Variants in EFCAB6 observed in about 807,000 individuals in gnomAD.
EFCAB6 encodes the protein EF-hand calcium binding domain 6.
In EFCAB6, 156 loss-of-function variants were observed where a neutral mutation model predicts 169.8. The observed-to-expected ratio is 0.92, with a 90% CI of 0.81 to 1.05. The LOEUF (loss-of-function observed/expected upper bound fraction) is 1.05. EFCAB6 is among the 50% of genes least tolerant of loss of function. The pLI is 0.00. For synonymous variants in EFCAB6, 698 were observed against 676.4 expected (o/e 1.03, Z -0.50); for missense variants, 1,800 against 1,829.1 (o/e 0.98, Z 0.29).
In EFCAB6 at chr22:43,735,932, C is replaced by A; in HGVS notation, c.569G>T (p.Gly190Val). The A allele has an allele frequency of 6.2e-7, 1 of 1,614,134 alleles. No individual in the cohort carries two copies. Among genetic ancestry groups the A allele is most frequent in the Non-Finnish European group, 8.5e-7 (1 of 1,180,026 alleles). ...TCTTAGCTCCTGCGGTCGAACCAGTCCAGTCTTGTTAACATCAATGAGCTC... is the reference window on the plus strand; with the variant it reads ...TCTTAGCTCCTGCGGTCGAACCAGTACAGTCTTGTTAACATCAATGAGCTC... ...AFELIDVNKT[G>V]LVRPQELRRV... Residue 190 changes from glycine to valine, a missense_variant, in exon 7 of 32, where the codon GGA (glycine) becomes GTA (valine). By Grantham distance (109) the Gly-to-Val change is moderately radical. Transcript: ENST00000262726.
intron 13 of EFCAB6, 102 bp downstream of exon 13, chr22:43,677,894 G>A (rs929094672): frequency 1.6e-5 from 19 of 1,214,156 alleles, no homozygotes; most frequent in South Asian, 1.5e-4. Flanking sequence ...CTGTAAAGTC[G>A]TTAATTTATT....
At chr22:43,601,895 C>A (rs145471283) in intron 22 of EFCAB6, among the ~76,000 whole-genome samples, 126 of 152,324 alleles carry the variant, frequency 8.3e-4, no homozygotes, top group Middle Eastern at 3.4e-3. Flanking sequence ...CCCTGCAGGT[C>A]CCCACTCCTC....
chr22:43,669,035 T>C lies in EFCAB6; in HGVS notation c.1651A>G (p.Lys551Glu), dbSNP rs764495771. The change falls in exon 16 of 32, where the codon AAG (lysine) becomes GAG (glutamate). Residue 551 changes from lysine to glutamate, a missense_variant. Lys to Glu is a moderately conservative substitution (Grantham distance 56, BLOSUM62 1). Transcript: ENST00000262726. ...CTTCCTGAACCAATGTCCTGAATCTTACTGCAGAGTCTGAATTTTAAAAAA... is the reference window on the plus strand; with the variant it reads ...CTTCCTGAACCAATGTCCTGAATCTCACTGCAGAGTCTGAATTTTAAAAAA... The part of the protein sequence containing the change: ...TNAHFIKLCS[K>E]IQDIGSGRIL... 1.2e-6 allele frequency: 2 copies of C among 1,601,678 alleles called. No homozygotes were observed. The highest frequency in any genetic ancestry group is 1.7e-6 in the Non-Finnish European group (2 of 1,174,788).
At chr22:43,662,001 C>T (rs1181941268) in intron 17 of EFCAB6, among the ~76,000 whole-genome samples, 1 of 151,786 alleles carries the variant, frequency 6.6e-6, no homozygotes, top group African/African-American at 2.4e-5. Flanking sequence ...ATGGTGAAAA[C>T]TTGTCTACTG....
At chr22:43,621,460 C>T (rs1056827842) in intron 20 of EFCAB6, among the ~76,000 whole-genome samples, 28 of 151,874 alleles carry the variant, frequency 1.8e-4, no homozygotes, top group African/African-American at 6.5e-4. Flanking sequence ...TCCATGGATC[C>T]AAGAGGAAGT....
intron 26 of EFCAB6, among the ~76,000 whole-genome samples, chr22:43,565,941 C>G (rs975757474): frequency 6.6e-6 from 1 of 151,162 alleles, no homozygotes; most frequent in African/African-American, 2.4e-5. Flanking sequence ...ATTAATTGTA[C>G]TGTATCTTCA....
intron 6 of EFCAB6, among the ~76,000 whole-genome samples, chr22:43,753,258 A>T (rs551674660): frequency 7.5e-4 from 114 of 152,336 alleles, no homozygotes; most frequent in Non-Finnish European, 1.3e-3. Context: ...GCTCAGGCAA[A>T]GGCACAGAGG....
At chr22:43,573,842 C>T (rs901148637) in intron 26 of EFCAB6, among the ~76,000 whole-genome samples, 14 of 151,702 alleles carry the variant, frequency 9.2e-5, no homozygotes, top group African/African-American at 3.1e-4. Flanking sequence ...CAGCATATTC[C>T]AAACAGTATA....
chr22:43,811,291 C>G (rs1168998644), intron 1 of EFCAB6, among the ~76,000 whole-genome samples: 1 of 100,292 alleles, frequency 1.0e-5, no homozygotes, highest in African/African-American at 3.8e-5. Context: ...AAAGGAGAGG[C>G]GAGGGGAGGG....
chr22:43,757,524 A>G (rs1327202879), intron 5 of EFCAB6, among the ~76,000 whole-genome samples: 1 of 152,214 alleles, frequency 6.6e-6, no homozygotes, highest in African/African-American at 2.4e-5. Context: ...TCCAACCCGG[A>G]CAACAACAGC....
rs567856281 is a variant in EFCAB6 at position 43,732,366 on chromosome 22, G to A, written c.645-555C>T. The stretch of plus-strand genomic sequence containing the variant: ...TTCAAAACAGGGGATGGGTGGAGGA[G>A]GCAAAGTTTCTCTTGAAGCATTTCG... On this transcript the variant is annotated intron_variant, in intron 7 of 31. Transcript: ENST00000262726. Among the ~76,000 whole-genome samples, 100 of 151,996 alleles carry A rather than the reference G, an allele frequency of 6.6e-4. 1 individual carries two copies. The highest frequency in any genetic ancestry group is 9.9e-4 in the Non-Finnish European group (67 of 68,004).
intron 26 of EFCAB6, among the ~76,000 whole-genome samples, chr22:43,565,515 T>A (rs1288204003): frequency 1.3e-5 from 2 of 152,178 alleles, no homozygotes; most frequent in East Asian, 1.9e-4. Context: ...ATGGACATAT[T>A]GCAAAGGGGC....
chr22:43,635,036 G>T, intron 18 of EFCAB6, 66 bp downstream of exon 18: 1 of 1,363,272 alleles, frequency 7.3e-7, no homozygotes, highest in Non-Finnish European at 1.0e-6. Context: ...TGGTGGCACT[G>T]CTAGCAAAGA....
In EFCAB6 at chr22:43,556,333, G is replaced by A. The variant is rs138350841; in HGVS notation, c.3421-1237C>T. On this transcript the variant is annotated intron_variant, in intron 26 of 31. Coordinates refer to ENST00000262726, the MANE Select transcript of EFCAB6 (RefSeq NM_022785.4). ...GGCTGCTGCATCAACAGGGCAGCCCGTGGAGTATGCTGACCTGGAAGGGGT... is the reference window on the plus strand; with the variant it reads ...GGCTGCTGCATCAACAGGGCAGCCCATGGAGTATGCTGACCTGGAAGGGGT... Among the ~76,000 whole-genome samples, 794 of 152,336 alleles carry A rather than the reference G, an allele frequency of 5.2e-3. 4 individuals carry two copies. Among genetic ancestry groups the A allele is most frequent in the Middle Eastern group, 0.041 (12 of 294 alleles).
rs1019595348 is a variant in EFCAB6, at chr22:43,555,052, A to G, written c.3465T>C (p.Pro1155=). 5 of 1,614,216 alleles carry G rather than the reference A, an allele frequency of 3.1e-6. No individual in the cohort carries two copies. Among genetic ancestry groups the G allele is most frequent in the African/African-American group, 1.3e-5 (1 of 75,052 alleles). The change falls in exon 27 of 32, where the codon CCT becomes CCC. Residue 1155 remains proline, a synonymous_variant. Coordinates refer to ENST00000262726, the MANE Select transcript of EFCAB6 (RefSeq NM_022785.4). The part of the protein sequence containing the change: ...WAEKMPKGPP[P]TSPKATADRD... ...TGTCGGCTGTGGCCTTGGGAGAGGT[A>G]GGCGGCGGGCCTTTGGGCATTTTCT...
intron 17 of EFCAB6, among the ~76,000 whole-genome samples, chr22:43,657,126 C>CA (rs35058468): frequency 0.29 from 43,155 of 151,020 alleles, 6,968 homozygotes; most frequent in East Asian, 0.63. Context: ...CCTGTTTCTA[C>CA]AAAAAAAACC....
chr22:43,550,182 C>T (rs1335558187), intron 27 of EFCAB6, among the ~76,000 whole-genome samples: 1 of 152,046 alleles, frequency 6.6e-6, no homozygotes, highest in East Asian at 1.9e-4. Flanking sequence ...CTGGAGGAGC[C>T]TGGGGGGTAC....
intron 3 of EFCAB6, among the ~76,000 whole-genome samples, chr22:43,779,316 G>A (rs916210476): frequency 3.9e-5 from 6 of 152,170 alleles, no homozygotes; most frequent in Non-Finnish European, 8.8e-5. Context: ...CTTATTTGAT[G>A]TATGAGTTAT....
At position 43,645,033 on chromosome 22, in the gene EFCAB6, C is replaced by T. The variant is rs1013145483; in HGVS notation, c.1984-9817G>A. ...AATGTATTCCTTTTTAGTAGGAATC[C>T]GGAAGTATTAGATTGAATGGAAAAG... On this transcript the variant is annotated intron_variant, in intron 17 of 31. Coordinates refer to ENST00000262726, the MANE Select transcript of EFCAB6 (RefSeq NM_022785.4). Among the ~76,000 whole-genome samples the T allele has an allele frequency of 4.6e-5, 7 of 152,036 alleles. 1 individual carries two copies. The South Asian group carries it at 1.0e-3, about 23-fold the overall frequency.
Sources: allele counts gnomAD v4.1 joint callset (sites outside exome capture counted in the v4.1 genomes callset), GRCh38; gene constraint gnomAD v4.1.1; transcripts MANE v1.5; gene names NCBI Gene and HGNC (gene_info 2026-07-23, HGNC 2026-07-21).